SOX5: variants seen among roughly 807,000 people sequenced by gnomAD.
The protein encoded by SOX5 is SRY-box transcription factor 5.
In SOX5, 9 loss-of-function variants were observed where a neutral mutation model predicts 92.0. That is an observed-to-expected ratio of 0.10 (90% CI 0.06 to 0.17). The LOEUF (loss-of-function observed/expected upper bound fraction) is 0.17. SOX5 is among the 10% of genes least tolerant of loss of function. The pLI is 1.00. For missense variants in SOX5, 642 were observed against 944.5 expected, an observed-to-expected ratio of 0.68 and a Z score of 4.20; for synonymous variants, 344 against 336.3, an observed-to-expected ratio of 1.02 and a Z score of -0.25.
At chr12:23,836,695 G>A (rs2096419283) in intron 3 of SOX5, among the ~76,000 whole-genome samples, 1 of 151,864 alleles carries the variant, frequency 6.6e-6, no homozygotes, top group Non-Finnish European at 1.5e-5. Flanking sequence ...TCCATGAAAG[G>A]AAGCAAAGAC....
At chr12:24,180,284 T>G (rs1955338622) in intron 4 of SOX5, among the ~76,000 whole-genome samples, 1 of 152,178 alleles carries the variant, frequency 6.6e-6, no homozygotes, top group Non-Finnish European at 1.5e-5. Flanking sequence ...TCTCCCTCCA[T>G]GTTCATGAAA....
At chr12:24,079,715 C>A (rs1451466794) in intron 4 of SOX5, among the ~76,000 whole-genome samples, 1 of 151,752 alleles carries the variant, frequency 6.6e-6, no homozygotes, top group South Asian at 2.1e-4. Flanking sequence ...TATATAGTAT[C>A]TATATATACT....
At chr12:24,117,532 C>T (rs566312874) in intron 4 of SOX5, among the ~76,000 whole-genome samples, 2 of 152,274 alleles carry the variant, frequency 1.3e-5, no homozygotes, top group South Asian at 4.2e-4. Context: ...TGCATTTCAG[C>T]ACTCTTCACA....
chr12:23,964,204 T>A (rs1361148457), intron 4 of SOX5, among the ~76,000 whole-genome samples: 18 of 152,236 alleles, frequency 1.2e-4, no homozygotes, highest in Non-Finnish European at 2.4e-4. Flanking sequence ...TTAAAAAAAA[T>A]TAAAATAGTC....
rs866034357 is a variant in SOX5, at chr12:24,154,732, A to C, written c.-2+58611T>G. On this transcript the variant is annotated intron_variant, in intron 4 of 4. Coordinates refer to the SOX5 transcript ENST00000446891. Reference sequence around the variant, plus strand: ...CCAAATACTTGGATGAGAAAAAAATACATTTAAAGTGGTGAAGTAAAGAAG... The same window carrying C: ...CCAAATACTTGGATGAGAAAAAAATCCATTTAAAGTGGTGAAGTAAAGAAG... Among the ~76,000 whole-genome samples, 3 of 152,242 alleles carry C rather than the reference A, an allele frequency of 2.0e-5. No individual in the cohort carries two copies. In the Middle Eastern group the frequency reaches 0.01, roughly 518 times the overall value.
At chr12:23,541,904 A>G (rs537096295) in intron 13 of SOX5, among the ~76,000 whole-genome samples, 3 of 152,198 alleles carry the variant, frequency 2.0e-5, no homozygotes, top group Non-Finnish European at 4.4e-5. Context: ...TGAGGTCAGA[A>G]CTTCGAGGCC....
At chr12:23,540,369 T>C (rs564686843) in intron 13 of SOX5, among the ~76,000 whole-genome samples, 18 of 75,856 alleles carry the variant, frequency 2.4e-4, no homozygotes, top group African/African-American at 1.2e-3. Flanking sequence ...AGTATAATAA[T>C]AATAATAATA....
At chr12:23,988,655 A>G (rs530448236) in intron 4 of SOX5, among the ~76,000 whole-genome samples, 1 of 152,308 alleles carries the variant, frequency 6.6e-6, no homozygotes, top group East Asian at 1.9e-4. Flanking sequence ...AGAAACAAAG[A>G]AGGATGCTTA....
At chr12:23,589,153 T>A (rs1388112077) in intron 9 of SOX5, among the ~76,000 whole-genome samples, 1 of 151,992 alleles carries the variant, frequency 6.6e-6, no homozygotes, top group Non-Finnish European at 1.5e-5. Flanking sequence ...TATGTCTTTG[T>A]ATGGGTGGGA....
chr12:23,684,011 G>C (rs756682791), intron 6 of SOX5, among the ~76,000 whole-genome samples: 1 of 151,996 alleles, frequency 6.6e-6, no homozygotes, highest in South Asian at 2.1e-4. Flanking sequence ...TTGAGACTAT[G>C]AGTAGGGTAG....
intron 9 of SOX5, among the ~76,000 whole-genome samples, chr12:23,581,553 A>G (rs531604703): frequency 2.6e-5 from 4 of 152,226 alleles, no homozygotes; most frequent in African/African-American, 7.2e-5. Context: ...TAAAGGCAAC[A>G]GATAAGAACA....
At chr12:23,583,181 T>C (rs1046886930) in intron 9 of SOX5, among the ~76,000 whole-genome samples, 1 of 152,150 alleles carries the variant, frequency 6.6e-6, no homozygotes, top group Non-Finnish European at 1.5e-5. Flanking sequence ...TCTTTTAATC[T>C]TTATTCTCCT....
At chr12:23,760,995 T>C (rs1249632937) in intron 3 of SOX5, among the ~76,000 whole-genome samples, 1 of 152,168 alleles carries the variant, frequency 6.6e-6, no homozygotes, top group Non-Finnish European at 1.5e-5. Flanking sequence ...AGTTAGGTTA[T>C]ACCAAACCTA....
intron 6 of SOX5, among the ~76,000 whole-genome samples, chr12:23,677,968 A>G (rs1000722263): frequency 6.6e-6 from 1 of 152,120 alleles, no homozygotes; most frequent in African/African-American, 2.4e-5. Flanking sequence ...GTAATAATGG[A>G]TGCTGTCTCA....
chr12:23,912,848 A>C (rs1413654751), intron 1 of SOX5, among the ~76,000 whole-genome samples: 1 of 152,088 alleles, frequency 6.6e-6, no homozygotes, highest in East Asian at 1.9e-4. Flanking sequence ...TGGGGAGGGG[A>C]AATGGGGAAC....
chr12:24,072,039 A>G (rs1941861531), intron 4 of SOX5, among the ~76,000 whole-genome samples: 1 of 152,204 alleles, frequency 6.6e-6, no homozygotes, highest in African/African-American at 2.4e-5. Context: ...CTTGGACTGG[A>G]ATTCAGGTTT....
chr12:23,716,038 G>A (rs983923138), intron 6 of SOX5, among the ~76,000 whole-genome samples: 3 of 152,094 alleles, frequency 2.0e-5, no homozygotes, highest in African/African-American at 7.2e-5. Context: ...TTTTCTTGAA[G>A]CTTACCAAAA....
intron 4 of SOX5, among the ~76,000 whole-genome samples, chr12:24,037,965 T>C (rs1441642636): frequency 1.3e-5 from 2 of 152,116 alleles, no homozygotes; most frequent in Non-Finnish European, 2.9e-5. Context: ...AAATCATGCA[T>C]GAATCATGCA....
At chr12:23,877,420 A>G (rs1399431768) in intron 2 of SOX5, among the ~76,000 whole-genome samples, 1 of 152,150 alleles carries the variant, frequency 6.6e-6, no homozygotes, top group East Asian at 1.9e-4. Flanking sequence ...ATTGTTCATG[A>G]GTCCAGTCTG....
Sources: gnomAD v4.1 joint callset for allele counts (sites outside exome capture counted in the v4.1 genomes callset) on GRCh38, gnomAD v4.1.1 for gene constraint, MANE v1.5 for transcripts, NCBI Gene and HGNC (gene_info 2026-07-23, HGNC 2026-07-21) for gene names.